Variants in LONRF2 observed in about 807,000 individuals in gnomAD.
LONRF2 encodes LON peptidase N-terminal domain and ring finger 2.
In LONRF2, 35 loss-of-function variants were observed where a neutral mutation model predicts 66.6. The ratio of observed to expected loss-of-function variants is 0.53; its 90% CI spans 0.40 to 0.70. The LOEUF (loss-of-function observed/expected upper bound fraction) is 0.70. LONRF2 is among the 30% of genes least tolerant of loss of function. The probability of loss-of-function intolerance (pLI) is 0.00; values close to 1 mark genes in which losing one functional copy is unlikely to be tolerated. For missense variants in LONRF2, 902 were observed against 1,002.1 expected, an observed-to-expected ratio of 0.90 and a Z score of 1.35; for synonymous variants, 417 against 418.1, an observed-to-expected ratio of 1.00 and a Z score of 0.03.
rs541560338 is a variant in LONRF2, at chr2:100,282,905, A to G, written c.*1393T>C. On this transcript the variant is annotated 3_prime_UTR_variant, in exon 12 of 12. Transcript: ENST00000393437. Reference sequence around the variant, plus strand: ...TAATATTATAAAGTCTTTCTAATAAAATGCTTGATGGATTGATATACCATC... The same window carrying G: ...TAATATTATAAAGTCTTTCTAATAAGATGCTTGATGGATTGATATACCATC... 59 of 152,162 alleles carry G rather than the reference A, an allele frequency of 3.9e-4. 1 individual carries two copies. Among genetic ancestry groups the G allele is most frequent in the Admixed American group, 3.8e-3 (58 of 15,288 alleles). 9.4% of individuals were successfully genotyped at this position (152,162 alleles called of 1,614,324 possible).
chr2:100,286,729 G>T (rs2105714342), intron 11 of LONRF2, among the ~76,000 whole-genome samples, 185 bp downstream of exon 11: 1 of 152,314 alleles, frequency 6.6e-6, no homozygotes, highest in South Asian at 2.1e-4. Flanking sequence ...AGCCTTTGTT[G>T]TTTTGCTTCA....
intron 2 of LONRF2, among the ~76,000 whole-genome samples, chr2:100,304,507 T>A (rs966629736): frequency 6.6e-6 from 1 of 152,150 alleles, no homozygotes; most frequent in African/African-American, 2.4e-5. Context: ...GGTACCATAT[T>A]GTCCTTCAAT....
Position 100,280,805 on chromosome 2 carries a change from G to A in LONRF2, c.*3493C>T, listed in dbSNP as rs998183419. ...CAAAAAAAATAAAAATGGGGATACA[G>A]GGACCTCCCTACCCTACTCAATAGT... On this transcript the variant is annotated 3_prime_UTR_variant, in exon 12 of 12. Coordinates refer to ENST00000393437, the MANE Select transcript of LONRF2 (RefSeq NM_198461.4). The A allele has an allele frequency of 2.0e-5, 3 of 152,002 alleles. No homozygotes were observed. Among genetic ancestry groups the A allele is most frequent in the Non-Finnish European group, 4.4e-5 (3 of 67,990 alleles). The allele number at this position is 152,002 out of a possible 1,614,324, so 9.4% of individuals were successfully genotyped here.
rs1464900942 is a variant in LONRF2 at position 100,274,170 on chromosome 2, C to T, written c.*10128G>A. ...GCCGAGACTCATGACAGTAAACTTC[C>T]TCAGGGTTCTCTATTATGATCAGGG... On this transcript the variant is annotated 3_prime_UTR_variant, in exon 12 of 12. Transcript: ENST00000393437. 6.6e-6 allele frequency: 1 copy of T among 152,164 alleles called. No individual in the cohort carries two copies. Among genetic ancestry groups the T allele is most frequent in the East Asian group, 1.9e-4 (1 of 5,182 alleles). The allele number at this position is 152,164 out of a possible 1,614,324, so 9.4% of individuals were successfully genotyped here.
At chr2:100,286,757 C>CA (rs1674854307) in intron 11 of LONRF2, among the ~76,000 whole-genome samples, 157 bp downstream of exon 11, 1 of 152,216 alleles carries the variant, frequency 6.6e-6, no homozygotes. Context: ...TGTGCTACCA[C>CA]AGTAGGTGCT....
At chr2:100,287,657 C>T (rs1573109907) in intron 10 of LONRF2, among the ~76,000 whole-genome samples, 1 of 152,338 alleles carries the variant, frequency 6.6e-6, no homozygotes, top group Non-Finnish European at 1.5e-5. Flanking sequence ...TGGTCGGCCA[C>T]AGCACCTTAG....
intron 1 of LONRF2, among the ~76,000 whole-genome samples, chr2:100,311,367 T>A (rs10204941): frequency 4.1e-5 from 5 of 122,470 alleles, no homozygotes; most frequent in Admixed American, 7.5e-5. Context: ...GAAAAAAAAA[T>A]TTTGGAAAAA....
At chr2:100,293,924 A>G (rs1194342750) in intron 9 of LONRF2, among the ~76,000 whole-genome samples, 1 of 152,108 alleles carries the variant, frequency 6.6e-6, no homozygotes, top group East Asian at 1.9e-4. Flanking sequence ...TTGTTTGTAT[A>G]TAAATGGGGA....
In LONRF2 at chr2:100,273,209, G is replaced by A. The variant is rs1225378564; in HGVS notation, c.*11089C>T. Reference sequence around the variant, plus strand: ...AGCAGCCACACCAGCTGGAGGAGATGAAGGAGGAGTTTTCCTGGGGCCTTC... The same window carrying A: ...AGCAGCCACACCAGCTGGAGGAGATAAAGGAGGAGTTTTCCTGGGGCCTTC... On this transcript the variant is annotated 3_prime_UTR_variant, in exon 12 of 12. Transcript: ENST00000393437. 1 of 152,258 alleles carries A rather than the reference G, an allele frequency of 6.6e-6. No homozygotes were observed. Among genetic ancestry groups the A allele is most frequent in the East Asian group, 1.9e-4 (1 of 5,202 alleles). The allele number at this position is 152,258 out of a possible 1,614,324, so 9.4% of individuals were successfully genotyped here.
rs1407677119 is a variant in LONRF2, at chr2:100,273,129, T to C, written c.*11169A>G. ...CAGAGGGAAGAAGGCCATGTGACGA[T>C]GGACACGGAAACTGGAGTGATGCAG... On this transcript the variant is annotated 3_prime_UTR_variant, in exon 12 of 12. Transcript: ENST00000393437. Among the ~76,000 whole-genome samples, 1 of 152,200 alleles carries C rather than the reference T, an allele frequency of 6.6e-6. No homozygotes were observed. The highest frequency in any genetic ancestry group is 1.5e-5 in the Non-Finnish European group (1 of 68,046).
rs746124886 is a variant in LONRF2 at position 100,284,434 on chromosome 2, C to T, written c.2129G>A (p.Arg710His). ...GCCGAGGATGGCCAGCTGAGCCTTG[C>T]GCTCCAGGGGCAGCACGGCCAGGAT... Reference protein sequence around the residue: ...WWILAVLPLERKAQLAILGMT... With the variant: ...WWILAVLPLEHKAQLAILGMT... Residue 710 changes from arginine (R) to histidine (H), a missense_variant, in exon 12 of 12, where the codon CGC becomes CAC. Arg to His is a conservative substitution (Grantham distance 29). This residue lies in a region of LONRF2 where 317 missense variants were observed against 432.2 expected (regional missense o/e 0.73). Coordinates refer to ENST00000393437, the MANE Select transcript of LONRF2 (RefSeq NM_198461.4). 20 of 1,608,072 alleles carry T rather than the reference C, an allele frequency of 1.2e-5. No individual in the cohort carries two copies. The highest frequency in any genetic ancestry group is 6.7e-5 in the East Asian group (3 of 44,694).
intron 2 of LONRF2, among the ~76,000 whole-genome samples, chr2:100,308,541 TTATTC>T (rs1675342045): frequency 6.6e-6 from 1 of 152,216 alleles, no homozygotes; most frequent in African/African-American, 2.4e-5. Flanking sequence ...GAAAAGGCTT[TTATTC>T]TTTGGCTTCT....
At chr2:100,296,910 A>T (rs1192210868) in intron 7 of LONRF2, among the ~76,000 whole-genome samples, 4 of 151,956 alleles carry the variant, frequency 2.6e-5, no homozygotes, top group African/African-American at 4.8e-5. Flanking sequence ...GCATGATGTG[A>T]CTCCCGCATT....
Position 100,298,883 on chromosome 2 carries a change from G to A in LONRF2, c.1429C>T (p.Leu477Phe), listed in dbSNP as rs778834605. The part of the protein sequence containing the change: ...TFCLKCLERC[L>F]DHAPHCPLCK... The stretch of plus-strand genomic sequence containing the variant: ...AAAGGACAGTGTGGGGCGTGGTCAA[G>A]GCAGCGCTCAAGGCATTTTAGGCAA... Residue 477 changes from leucine to phenylalanine, a missense_variant, in exon 7 of 12, where the codon CTT becomes TTT. Coordinates refer to ENST00000393437, the MANE Select transcript of LONRF2 (RefSeq NM_198461.4). 45 of 1,614,076 alleles carry A rather than the reference G, an allele frequency of 2.8e-5. No homozygotes were observed. The highest frequency in any genetic ancestry group is 3.8e-5 in the Non-Finnish European group (45 of 1,180,036).
rs577848481 is a variant in LONRF2 at position 100,273,389 on chromosome 2, G to A, written c.*10909C>T. 6.6e-6 allele frequency: 1 copy of A among 152,334 alleles called. No homozygotes were observed. Among genetic ancestry groups the A allele is most frequent in the South Asian group, 2.1e-4 (1 of 4,822 alleles). The allele number at this position is 152,334 out of a possible 1,614,324, so 9.4% of individuals were successfully genotyped here. ...AACACAAAGGCCTAGGCACTGATTTGATCTAATTTCTCATCAGTCTAGCCT... is the reference window on the plus strand; with the variant it reads ...AACACAAAGGCCTAGGCACTGATTTAATCTAATTTCTCATCAGTCTAGCCT... On this transcript the variant is annotated 3_prime_UTR_variant, in exon 12 of 12. Transcript: ENST00000393437.
rs376714205 is a variant in LONRF2, at chr2:100,306,959, T to C, written c.798+2148A>G. ...TTTTTGAGGTGGAGTCTCGCTCTGT[T>C]GCCCAGGCTGGAGTGCAGTGGTGCT... On this transcript the variant is annotated intron_variant, in intron 2 of 11. Transcript: ENST00000393437. Among the ~76,000 whole-genome samples the C allele has an allele frequency of 3.3e-4, 50 of 149,390 alleles. No individual in the cohort carries two copies. In the East Asian group the frequency reaches 7.1e-3, roughly 21 times the overall value.
Position 100,284,221 on chromosome 2 carries a change from T to C in LONRF2, c.*77A>G. Reference sequence around the variant, plus strand: ...TCCACAAGCACTTGATGAAGCACAATGAATGGACGGCTATTCGTCCATGCC... The same window carrying C: ...TCCACAAGCACTTGATGAAGCACAACGAATGGACGGCTATTCGTCCATGCC... On this transcript the variant is annotated 3_prime_UTR_variant, in exon 12 of 12. Coordinates refer to ENST00000393437, the MANE Select transcript of LONRF2 (RefSeq NM_198461.4). 1 of 1,325,776 alleles carries C rather than the reference T, an allele frequency of 7.5e-7. No individual in the cohort carries two copies. The highest frequency in any genetic ancestry group is 1.0e-6 in the Non-Finnish European group (1 of 993,494). The allele number at this position is 1,325,776 out of a possible 1,614,324, so 82.1% of individuals were successfully genotyped here. A position where few individuals can be genotyped will look rare whatever the true frequency, so the allele number is the denominator to read the frequency against.
At chr2:100,296,992 C>G (rs1394814904) in intron 7 of LONRF2, among the ~76,000 whole-genome samples, 1 of 152,094 alleles carries the variant, frequency 6.6e-6, no homozygotes. Context: ...ACATTAGGAA[C>G]CCATGTATAG....
rs971489108 is a variant in LONRF2 at position 100,273,964 on chromosome 2, C to G, written c.*10334G>C. The G allele has an allele frequency of 1.3e-5, 2 of 152,246 alleles. No homozygotes were observed. The highest frequency in any genetic ancestry group is 4.8e-5 in the African/African-American group (2 of 41,540). The allele number at this position is 152,246 out of a possible 1,614,324, so 9.4% of individuals were successfully genotyped here. On this transcript the variant is annotated 3_prime_UTR_variant, in exon 12 of 12. Coordinates refer to ENST00000393437, the MANE Select transcript of LONRF2 (RefSeq NM_198461.4). ...GGGGTAAACAGCATGAGAGAGAAGT[C>G]GGTCACTGGTTGAACTGTTCACAGT...
Sources: allele counts gnomAD v4.1 joint callset (sites outside exome capture counted in the v4.1 genomes callset), GRCh38; gene constraint gnomAD v4.1.1; regional missense constraint gnomAD v4.1.1; transcripts MANE v1.5; gene names NCBI Gene and HGNC (gene_info 2026-07-23, HGNC 2026-07-21).